The following GAB1 variants were observed in gnomAD, a reference collection of about 807,000 sequenced individuals.
GAB1 encodes the protein GRB2-associated-binding protein 1.
Under a neutral mutation model 66.5 loss-of-function variants are expected in GAB1, and 19 were observed. That is an observed-to-expected ratio of 0.29 (90% CI 0.20 to 0.42). GAB1 has a LOEUF of 0.42. GAB1 is among the 10% of genes least tolerant of loss of function. The pLI is 1.00. For missense variants in GAB1, 732 were observed against 858.5 expected (o/e 0.85, Z 1.84); for synonymous variants, 294 against 301.4 (o/e 0.98, Z 0.25).
In GAB1 at chr4:143,473,539, C is replaced by G. The variant is rs1244910040; in HGVS notation, c.*4350C>G. ...CTCTCTAAGTAAATAGAAAAAGCTC[C>G]CTGGAAAAACTCTGTTGCCACATGC... On this transcript the variant is annotated 3_prime_UTR_variant, in exon 10 of 10. Coordinates refer to ENST00000262994, the MANE Select transcript of GAB1 (RefSeq NM_002039.4). 6.6e-6 allele frequency: 1 copy of G among 152,124 alleles called. No individual in the cohort carries two copies. Among genetic ancestry groups the G allele is most frequent in the East Asian group, 1.9e-4 (1 of 5,194 alleles). 9.4% of individuals were successfully genotyped at this position (152,124 alleles called of 1,614,324 possible). A position where few individuals can be genotyped will look rare whatever the true frequency, so the allele number is the denominator to read the frequency against.
At chr4:143,406,894 A>G (rs2149707038) in intron 1 of GAB1, among the ~76,000 whole-genome samples, 1 of 152,346 alleles carries the variant, frequency 6.6e-6, no homozygotes, top group East Asian at 1.9e-4. Flanking sequence ...CAGAAGTGAA[A>G]TGGTACTTTC....
chr4:143,466,274 T>C, intron 9 of GAB1, 49 bp downstream of exon 9: 2 of 1,561,444 alleles, frequency 1.3e-6, no homozygotes, highest in Non-Finnish European at 1.7e-6. Context: ...TAGTTCACAC[T>C]TCAAACCTGA....
chr4:143,383,335 AAT>A (rs1388504847), intron 1 of GAB1, among the ~76,000 whole-genome samples: 6 of 152,352 alleles, frequency 3.9e-5, no homozygotes, highest in Admixed American at 3.9e-4. Flanking sequence ...TTGGACACAG[AAT>A]AACTTGTGCT....
rs756853100 is a variant in GAB1 at position 143,469,089 on chromosome 4, T to TTATGTTCTGTTA, written c.1986_1987insATGTTCTGTTAT (p.Val662_Asp663insMetPheCysTyr). The TTATGTTCTGTTA allele has an allele frequency of 6.2e-7, 1 of 1,614,144 alleles. No individual in the cohort carries two copies. The highest frequency in any genetic ancestry group is 8.5e-7 in the Non-Finnish European group (1 of 1,179,960). On this transcript the variant is annotated inframe_insertion, in exon 10 of 10. Transcript: ENST00000262994. ...GATGAGAGAGTGGATTATGTTGTTG[T>TTATGTTCTGTTA]TGACCAACAGAAGACCTTGGCTCTA...
intron 1 of GAB1, among the ~76,000 whole-genome samples, chr4:143,412,890 A>AT (rs1732471363): frequency 6.6e-6 from 1 of 152,208 alleles, no homozygotes; most frequent in Non-Finnish European, 1.5e-5. Flanking sequence ...GATGAACTAT[A>AT]CAAGCATAGC....
rs546247063 is a variant in GAB1 at position 143,384,671 on chromosome 4, C to T, written c.73-30806C>T. 2.0e-5 allele frequency among the ~76,000 whole-genome samples: 3 copies of T among 152,350 alleles called. No homozygotes were observed. In the East Asian group the frequency reaches 5.8e-4, roughly 29 times the overall value. Reference sequence around the variant, plus strand: ...CTGGAGAGGGGAGAGCTCTTCCCTTCTGCTGGTGTATTTTGCAGCTAGTTT... The same window carrying T: ...CTGGAGAGGGGAGAGCTCTTCCCTTTTGCTGGTGTATTTTGCAGCTAGTTT... On this transcript the variant is annotated intron_variant, in intron 1 of 9. Coordinates refer to ENST00000262994, the MANE Select transcript of GAB1 (RefSeq NM_002039.4).
intron 1 of GAB1, among the ~76,000 whole-genome samples, chr4:143,397,346 A>C (rs1731501159): frequency 6.6e-6 from 1 of 152,228 alleles, no homozygotes. Context: ...ATGATACTGC[A>C]GGCATTTTTA....
chr4:143,413,847 T>TTTTTTTTC (rs1273374534), intron 1 of GAB1, among the ~76,000 whole-genome samples: 1 of 143,784 alleles, frequency 7.0e-6, no homozygotes, highest in African/African-American at 2.7e-5. Flanking sequence ...TTTTTTTTTT[T>TTTTTTTTC]TGAGGAGGAG....
chr4:143,416,492 C>T (rs116073761), intron 2 of GAB1, among the ~76,000 whole-genome samples: 4,369 of 152,174 alleles, frequency 0.029, 213 homozygotes, highest in African/African-American at 0.1. Flanking sequence ...AGATTATGGC[C>T]GGGCACAGTG....
At chr4:143,441,321 T>C (rs1004888464) in intron 6 of GAB1, among the ~76,000 whole-genome samples, 1 of 152,246 alleles carries the variant, frequency 6.6e-6, no homozygotes, top group African/African-American at 2.4e-5. Context: ...TGATGAATGA[T>C]ACAATATCTG....
At chr4:143,413,848 TGA>T (rs1732530895) in intron 1 of GAB1, among the ~76,000 whole-genome samples, 3 of 130,812 alleles carry the variant, frequency 2.3e-5, no homozygotes, top group African/African-American at 9.3e-5. Flanking sequence ...TTTTTTTTTT[TGA>T]GGAGGAGTCT....
chr4:143,400,968 C>CAAAA (rs774015122), intron 1 of GAB1, among the ~76,000 whole-genome samples: 28 of 91,270 alleles, frequency 3.1e-4, no homozygotes, highest in African/African-American at 8.8e-4. Flanking sequence ...GACTCCATCA[C>CAAAA]AAAAAAAAAA....
chr4:143,389,275 C>T lies in GAB1; in HGVS notation c.73-26202C>T, dbSNP rs145584610. Among the ~76,000 whole-genome samples the T allele has an allele frequency of 1.6e-4, 24 of 152,264 alleles. No homozygotes were observed. In the East Asian group the frequency reaches 3.1e-3, roughly 20 times the overall value. On this transcript the variant is annotated intron_variant, in intron 1 of 9. Transcript: ENST00000262994. ...ACCAATGTATATAATCAAATACTTG[C>T]GTATGCTGGAAAAGAATTTATGTCA...
At chr4:143,458,447 C>G (rs1445659355) in intron 6 of GAB1, among the ~76,000 whole-genome samples, 1 of 151,838 alleles carries the variant, frequency 6.6e-6, no homozygotes, top group Non-Finnish European at 1.5e-5. Context: ...ATAAATAAAT[C>G]TCAAAGATGA....
intron 1 of GAB1, among the ~76,000 whole-genome samples, chr4:143,344,930 A>G (rs1185354025): frequency 6.6e-6 from 1 of 152,320 alleles, no homozygotes; most frequent in East Asian, 1.9e-4. Flanking sequence ...AATTAAGACT[A>G]TGCACTGTAA....
At chr4:143,447,719 C>T (rs1019489188) in intron 6 of GAB1, among the ~76,000 whole-genome samples, 7 of 152,188 alleles carry the variant, frequency 4.6e-5, no homozygotes, top group Non-Finnish European at 1.0e-4. Flanking sequence ...GATATACAAT[C>T]ATGTCATCTG....
chr4:143,405,171 A>G (rs11944354), intron 1 of GAB1, among the ~76,000 whole-genome samples: 1,621 of 152,314 alleles, frequency 0.011, 29 homozygotes, highest in African/African-American at 0.037. Context: ...GTTACATTCT[A>G]CCCTCTGAGA....
At chr4:143,446,791 T>G (rs1242659689) in intron 6 of GAB1, among the ~76,000 whole-genome samples, 2 of 151,152 alleles carry the variant, frequency 1.3e-5, no homozygotes, top group South Asian at 2.1e-4. Context: ...AGAAGCTCTT[T>G]AGTTTAATTA....
chr4:143,414,266 G>A (rs1732560993), intron 1 of GAB1, among the ~76,000 whole-genome samples: 1 of 152,290 alleles, frequency 6.6e-6, no homozygotes, highest in South Asian at 2.1e-4. Context: ...AGAGGAGTAA[G>A]GTGTAAGTTT....
Sources: gnomAD v4.1 joint callset for allele counts (sites outside exome capture counted in the v4.1 genomes callset) on GRCh38, gnomAD v4.1.1 for gene constraint, MANE v1.5 for transcripts, NCBI Gene and HGNC (gene_info 2026-07-23, HGNC 2026-07-21) for gene names.